Variants in TMEM97 observed in about 807,000 individuals in gnomAD.
TMEM97 encodes the protein sigma intracellular receptor 2.
TMEM97 carries 13 observed loss-of-function variants against 18.3 expected under a neutral mutation model. That is an observed-to-expected ratio of 0.71 (90% CI 0.46 to 1.13). TMEM97 has a LOEUF of 1.13. Among genes scored for constraint, TMEM97 ranks in the 50% most tolerant of loss-of-function variants. The probability of loss-of-function intolerance (pLI) is 0.00; values close to 1 mark genes in which losing one functional copy is unlikely to be tolerated. For missense variants in TMEM97, 205 were observed against 210.5 expected, an observed-to-expected ratio of 0.97 and a Z score of 0.16; for synonymous variants, 76 against 85.3, an observed-to-expected ratio of 0.89 and a Z score of 0.60.
chr17:28,319,306 C>G lies in TMEM97; in HGVS notation c.67C>G (p.Pro23Ala). 1 of 1,611,386 alleles carries G rather than the reference C, an allele frequency of 6.2e-7. No individual in the cohort carries two copies. Among genetic ancestry groups the G allele is most frequent in the Non-Finnish European group, 8.5e-7 (1 of 1,178,834 alleles). The change falls in exon 1 of 3, where the codon CCC (proline) becomes GCC (alanine). Residue 23 changes from proline (P) to alanine (A), a missense_variant. Coordinates refer to ENST00000226230, the MANE Select transcript of TMEM97 (RefSeq NM_014573.3). ...LLGLYFLSHI[P>A]ITLFMDLQAV... ...GGGCCTCTACTTCCTCAGCCACATCCCCATCACCCTGTTCATGGACCTGCA... is the reference window on the plus strand; with the variant it reads ...GGGCCTCTACTTCCTCAGCCACATCGCCATCACCCTGTTCATGGACCTGCA...
intron 1 of TMEM97, among the ~76,000 whole-genome samples, chr17:28,322,657 TC>T (rs1555575030): frequency 2.6e-5 from 4 of 152,308 alleles, no homozygotes; most frequent in South Asian, 4.1e-4. Flanking sequence ...TAACATTGCT[TC>T]TGGTAAAAAT....
At chr17:28,323,592 T>C (rs368850069) in intron 1 of TMEM97, among the ~76,000 whole-genome samples, 1 of 151,894 alleles carries the variant, frequency 6.6e-6, no homozygotes, top group East Asian at 1.9e-4. Context: ...AGAGACGAGG[T>C]TTCACCATGT....
chr17:28,326,104 C>T lies in TMEM97; in HGVS notation c.272-430C>T, dbSNP rs761534859. ...ATGCTTTTTTAAAAAGGTGACCATACACGTGTACTTGATAAGCTAAAACCA... is the reference window on the plus strand; with the variant it reads ...ATGCTTTTTTAAAAAGGTGACCATATACGTGTACTTGATAAGCTAAAACCA... On this transcript the variant is annotated intron_variant, in intron 2 of 2. Coordinates refer to ENST00000226230, the MANE Select transcript of TMEM97 (RefSeq NM_014573.3). Among the ~76,000 whole-genome samples, 14 of 152,202 alleles carry T rather than the reference C, an allele frequency of 9.2e-5. No homozygotes were observed. The South Asian group carries it at 1.0e-3, about 11-fold the overall frequency.
At position 28,328,488 on chromosome 17, in the gene TMEM97, C is replaced by T. The variant is rs1555575868; in HGVS notation, c.*1695C>T. On this transcript the variant is annotated 3_prime_UTR_variant, in exon 3 of 3. Transcript: ENST00000226230. Reference sequence around the variant, plus strand: ...AGCTGTGCACTGATGTTAAAACTGGCTCCCCCAGACTTGTAGTGCTGTCTT... The same window carrying T: ...AGCTGTGCACTGATGTTAAAACTGGTTCCCCCAGACTTGTAGTGCTGTCTT... 3.2e-6 allele frequency: 2 copies of T among 634,286 alleles called. No individual in the cohort carries two copies. Among genetic ancestry groups the T allele is most frequent in the Admixed American group, 3.0e-5 (1 of 33,604 alleles). The allele number at this position is 634,286 out of a possible 1,614,324, so 39.3% of individuals were successfully genotyped here.
At position 28,327,125 on chromosome 17, in the gene TMEM97, CTAATT is replaced by C. The variant is rs1906386164; in HGVS notation, c.*334_*338del. ...TACAGGTGTGTACCAACACGTATGG[CTAATT>C]TGTTTTGTTTTTTTTGTGTGTGTGG... is the stretch of plus-strand genomic sequence containing the variant. On this transcript the variant is annotated 3_prime_UTR_variant, in exon 3 of 3. Coordinates refer to ENST00000226230, the MANE Select transcript of TMEM97 (RefSeq NM_014573.3). The C allele has an allele frequency of 4.1e-6, 1 of 243,856 alleles. No individual in the cohort carries two copies. The highest frequency in any genetic ancestry group is 8.1e-6 in the Non-Finnish European group (1 of 123,636). The allele number at this position is 243,856 out of a possible 1,614,324, so 15.1% of individuals were successfully genotyped here.
chr17:28,325,384 C>T (rs902607922), intron 1 of TMEM97, 119 bp from the exon 2 acceptor site: 34 of 1,320,922 alleles, frequency 2.6e-5, no homozygotes, highest in African/African-American at 7.4e-5. Flanking sequence ...CATCTGCTGC[C>T]GGGGTAGTGG....
intron 1 of TMEM97, among the ~76,000 whole-genome samples, chr17:28,320,080 G>T (rs1326321861): frequency 6.7e-6 from 1 of 149,394 alleles, no homozygotes; most frequent in African/African-American, 2.6e-5. Context: ...GTTCGTTGAG[G>T]TTTTTTTCTC....
chr17:28,325,419 C>T (rs557102514), intron 1 of TMEM97, 84 bp from the exon 2 acceptor site: 4 of 1,538,948 alleles, frequency 2.6e-6, no homozygotes, highest in African/African-American at 2.8e-5. Flanking sequence ...ATGACAGGCT[C>T]CTCCAGTGTA....
In TMEM97 at chr17:28,328,463, A is replaced by G. The variant is rs1555575863; in HGVS notation, c.*1670A>G. 2 of 584,946 alleles carry G rather than the reference A, an allele frequency of 3.4e-6. No individual in the cohort carries two copies. The highest frequency in any genetic ancestry group is 3.8e-5 in the African/African-American group (2 of 52,508). The allele number at this position is 584,946 out of a possible 1,614,324, so 36.2% of individuals were successfully genotyped here. ...CGTACACTGCAGGGCCACCAGCAGC[A>G]GCTGTGCACTGATGTTAAAACTGGC... On this transcript the variant is annotated 3_prime_UTR_variant, in exon 3 of 3. Coordinates refer to ENST00000226230, the MANE Select transcript of TMEM97 (RefSeq NM_014573.3).
intron 1 of TMEM97, among the ~76,000 whole-genome samples, chr17:28,319,864 C>T (rs1383982325): frequency 2.6e-5 from 4 of 152,198 alleles, no homozygotes; most frequent in South Asian, 2.1e-4. Context: ...GCTTCGAGAT[C>T]AGGTTCCAGC....
chr17:28,328,557 C>T lies in TMEM97; in HGVS notation c.*1764C>T. The T allele has an allele frequency of 1.3e-6, 1 of 760,966 alleles. No homozygotes were observed. Among genetic ancestry groups the T allele is most frequent in the Non-Finnish European group, 2.2e-6 (1 of 448,180 alleles). The allele number at this position is 760,966 out of a possible 1,614,324, so 47.1% of individuals were successfully genotyped here. A position where few individuals can be genotyped will look rare whatever the true frequency, so the allele number is the denominator to read the frequency against. ...ACACGCCACCTCTTGTGACATAGGT[C>T]ATTGGTCAAGCCGCTGGAATGCTAC... On this transcript the variant is annotated 3_prime_UTR_variant, in exon 3 of 3. Coordinates refer to ENST00000226230, the MANE Select transcript of TMEM97 (RefSeq NM_014573.3).
At chr17:28,322,118 TAA>T (rs1429522875) in intron 1 of TMEM97, among the ~76,000 whole-genome samples, 1 of 152,142 alleles carries the variant, frequency 6.6e-6, no homozygotes, top group Non-Finnish European at 1.5e-5. Context: ...TCCCTAGAGT[TAA>T]AAAACCTGTA....
At chr17:28,325,789 A>T in intron 2 of TMEM97, 142 bp downstream of exon 2, 1 of 1,185,120 alleles carries the variant, frequency 8.4e-7, no homozygotes, top group East Asian at 2.5e-5. Flanking sequence ...TAGCCAGGGT[A>T]GATCTTGTAA....
Position 28,328,454 on chromosome 17 carries a change from A to G in TMEM97, c.*1661A>G, listed in dbSNP as rs1308081093. ...AGGTGAGAACGTACACTGCAGGGCCACCAGCAGCAGCTGTGCACTGATGTT... is the reference window on the plus strand; with the variant it reads ...AGGTGAGAACGTACACTGCAGGGCCGCCAGCAGCAGCTGTGCACTGATGTT... On this transcript the variant is annotated 3_prime_UTR_variant, in exon 3 of 3. Transcript: ENST00000226230. 13 of 577,956 alleles carry G rather than the reference A, an allele frequency of 2.2e-5. No individual in the cohort carries two copies. Among genetic ancestry groups the G allele is most frequent in the Non-Finnish European group, 4.0e-5 (13 of 326,920 alleles). The allele number at this position is 577,956 out of a possible 1,614,324, so 35.8% of individuals were successfully genotyped here.
intron 1 of TMEM97, among the ~76,000 whole-genome samples, chr17:28,323,689 G>A (rs572332446): frequency 2.6e-4 from 40 of 152,136 alleles, no homozygotes; most frequent in Non-Finnish European, 1.0e-4. Flanking sequence ...ATGAGCCACC[G>A]GGCCTGGCCC....
chr17:28,323,619 A>G lies in TMEM97; in HGVS notation c.127-1884A>G, dbSNP rs561229626. Reference sequence around the variant, plus strand: ...TCACCATGTTGGCCAGGCTGGTCTCAAACTCCTGACCTCAGGTGATCCACC... The same window carrying G: ...TCACCATGTTGGCCAGGCTGGTCTCGAACTCCTGACCTCAGGTGATCCACC... On this transcript the variant is annotated intron_variant, in intron 1 of 2. Transcript: ENST00000226230. Among the ~76,000 whole-genome samples the G allele has an allele frequency of 7.3e-3, 1,112 of 152,126 alleles. 15 individuals are homozygous for G. The highest frequency in any genetic ancestry group is 0.026 in the African/African-American group (1,062 of 41,506).
chr17:28,326,464 TGG>T, intron 2 of TMEM97, 68 bp from the exon 3 acceptor site: 1 of 1,533,220 alleles, frequency 6.5e-7, no homozygotes, highest in Non-Finnish European at 8.8e-7. Context: ...GCAGAGACAG[TGG>T]GAAGGTCATG....
Position 28,328,595 on chromosome 17 carries a change from GGTTTTGAGAGGCTTTTTTTT to G in TMEM97, c.*1809_*1828del, listed in dbSNP as rs1567778678. The G allele has an allele frequency of 8.8e-7, 1 of 1,131,290 alleles. No individual in the cohort carries two copies. The highest frequency in any genetic ancestry group is 1.3e-6 in the Non-Finnish European group (1 of 771,312). The allele number at this position is 1,131,290 out of a possible 1,614,324, so 70.1% of individuals were successfully genotyped here. On this transcript the variant is annotated 3_prime_UTR_variant, in exon 3 of 3. Transcript: ENST00000226230. ...GCTGGAATGCTACAGAGGTTTTTTT[GGTTTTGAGAGGCTTTTTTTT>G]GTTTTGCCTTCCTACTATAAAAGCG...
chr17:28,319,322 T>C lies in TMEM97; in HGVS notation c.83T>C (p.Met28Thr), dbSNP rs1402626447. The C allele has an allele frequency of 6.2e-7, 1 of 1,610,034 alleles. No homozygotes were observed. Among genetic ancestry groups the C allele is most frequent in the Non-Finnish European group, 8.5e-7 (1 of 1,178,246 alleles). ...FLSHIPITLF[M>T]DLQAVLPREL... ...AGCCACATCCCCATCACCCTGTTCA[T>C]GGACCTGCAGGCGGTGCTGCCGCGC... is the stretch of plus-strand genomic sequence containing the variant. The change falls in exon 1 of 3, where the codon ATG becomes ACG. Residue 28 changes from methionine to threonine, a missense_variant. Coordinates refer to ENST00000226230, the MANE Select transcript of TMEM97 (RefSeq NM_014573.3).
Sources: allele counts gnomAD v4.1 joint callset (sites outside exome capture counted in the v4.1 genomes callset), GRCh38; gene constraint gnomAD v4.1.1; transcripts MANE v1.5; gene names NCBI Gene and HGNC (gene_info 2026-07-23, HGNC 2026-07-21).